The following TEK variants were observed in gnomAD, a reference collection of about 807,000 sequenced individuals.
TEK encodes the protein TEK receptor tyrosine kinase.
In TEK, 43 loss-of-function variants were observed where a neutral mutation model predicts 131.8. That is an observed-to-expected ratio of 0.33 (90% CI 0.26 to 0.42). The LOEUF (loss-of-function observed/expected upper bound fraction) is 0.42, where lower values mean the gene tolerates loss of function less well. Among genes scored for constraint, TEK ranks in the 10% least tolerant of loss-of-function variants. TEK has a pLI of 1.00. For synonymous variants in TEK, 580 were observed against 491.6 expected (o/e 1.18, Z -2.38); for missense variants, 1,162 against 1,384.4 (o/e 0.84, Z 2.55).
At chr9:27,150,869 G>T (rs894390680) in intron 1 of TEK, among the ~76,000 whole-genome samples, 6 of 152,258 alleles carry the variant, frequency 3.9e-5, no homozygotes, top group South Asian at 4.2e-4. Context: ...AAAATTTCCG[G>T]CGTTTGAAGG....
At chr9:27,183,672 C>G (rs1364459373) in intron 8 of TEK, 62 bp downstream of exon 8, 1 of 1,587,990 alleles carries the variant, frequency 6.3e-7, no homozygotes, top group Non-Finnish European at 8.6e-7. Flanking sequence ...AGTAATCACC[C>G]CACTAAATGA....
At chr9:27,116,078 A>G (rs905357419) in intron 1 of TEK, among the ~76,000 whole-genome samples, 3 of 152,152 alleles carry the variant, frequency 2.0e-5, no homozygotes, top group Non-Finnish European at 2.9e-5. Context: ...GACTGTGAGG[A>G]TAACAGGGGG....
intron 6 of TEK, among the ~76,000 whole-genome samples, chr9:27,179,845 G>A (rs991106055): frequency 1.3e-5 from 2 of 152,252 alleles, no homozygotes; most frequent in East Asian, 1.9e-4. Context: ...CTTTGGAGTT[G>A]TAGCTTCCAT....
At position 27,209,111 on chromosome 9, in the gene TEK, T is replaced by G. The variant is rs1825508287; in HGVS notation, c.2576-10T>G. The G allele has an allele frequency of 6.2e-7, 1 of 1,602,936 alleles. No individual in the cohort carries two copies. The highest frequency in any genetic ancestry group is 1.3e-5 in the African/African-American group (1 of 74,798). The stretch of plus-strand genomic sequence containing the variant: ...CAAAGAAGAATCACAACCCTTGACT[T>G]TCTTCCCAGAATATGCCTCCAAAGA... On this transcript the variant is annotated splice_polypyrimidine_tract_variant and intron_variant, in intron 15 of 22. Transcript: ENST00000380036.
At chr9:27,225,272 G>A (rs932135403) in intron 21 of TEK, among the ~76,000 whole-genome samples, 2 of 152,130 alleles carry the variant, frequency 1.3e-5, no homozygotes, top group Non-Finnish European at 2.9e-5. Flanking sequence ...AAAAGAGCCT[G>A]CATAGCCAAG....
intron 14 of TEK, among the ~76,000 whole-genome samples, chr9:27,205,421 G>T (rs372373560): frequency 6.6e-6 from 1 of 152,202 alleles, no homozygotes; most frequent in Admixed American, 6.5e-5. Context: ...AGGACAGAGG[G>T]TAACCAGACC....
intron 4 of TEK, 53 bp downstream of exon 4, chr9:27,169,682 G>A (rs1823876349): frequency 6.2e-7 from 1 of 1,611,382 alleles, no homozygotes; most frequent in Non-Finnish European, 8.5e-7. Flanking sequence ...AGGTTGTTAG[G>A]ATTTTTAGTT....
intron 4 of TEK, among the ~76,000 whole-genome samples, chr9:27,170,363 G>A (rs947292657): frequency 2.0e-5 from 3 of 152,134 alleles, no homozygotes; most frequent in Non-Finnish European, 4.4e-5. Context: ...AAGTGGCTGG[G>A]TACGGTGGCT....
intron 1 of TEK, among the ~76,000 whole-genome samples, chr9:27,124,435 G>T (rs534682560): frequency 1.3e-5 from 2 of 152,350 alleles, no homozygotes; most frequent in East Asian, 3.9e-4. Context: ...TTTTACTCGT[G>T]ATGTTAGAAA....
At chr9:27,119,015 G>T (rs1475883957) in intron 1 of TEK, among the ~76,000 whole-genome samples, 2 of 152,218 alleles carry the variant, frequency 1.3e-5, no homozygotes, top group African/African-American at 4.8e-5. Flanking sequence ...TGAGACGTGG[G>T]TCCAAGGATT....
intron 2 of TEK, 83 bp downstream of exon 2, chr9:27,158,225 G>A: frequency 2.0e-6 from 3 of 1,484,658 alleles, no homozygotes; most frequent in Non-Finnish European, 2.8e-6. Flanking sequence ...TCCCTCAGGG[G>A]CAGGGCATGC....
chr9:27,148,357 C>T (rs1823001239), intron 1 of TEK, among the ~76,000 whole-genome samples: 1 of 152,216 alleles, frequency 6.6e-6, no homozygotes, highest in East Asian at 1.9e-4. Context: ...GTGAGTATAT[C>T]AGCTTTTGAT....
At position 27,126,921 on chromosome 9, in the gene TEK, A is replaced by G. The variant is rs138782924; in HGVS notation, c.52+17279A>G. 3.1e-3 allele frequency among the ~76,000 whole-genome samples: 479 copies of G among 152,320 alleles called. 6 individuals are homozygous for G. In the Middle Eastern group the frequency reaches 0.041, roughly 13 times the overall value. On this transcript the variant is annotated intron_variant, in intron 1 of 22. Transcript: ENST00000380036. ...TACAAGCAAGAGCCAACACTTAGAG[A>G]TGCCAAAACAACATAAAACAGATGC... is the stretch of plus-strand genomic sequence containing the variant.
At chr9:27,162,972 C>T (rs1393298358) in intron 2 of TEK, among the ~76,000 whole-genome samples, 1 of 152,230 alleles carries the variant, frequency 6.6e-6, no homozygotes, top group Non-Finnish European at 1.5e-5. Context: ...CCTCAGCCTC[C>T]TAAAGTGCTG....
intron 1 of TEK, among the ~76,000 whole-genome samples, chr9:27,135,049 G>A (rs1233957309): frequency 2.0e-5 from 3 of 152,080 alleles, no homozygotes; most frequent in Non-Finnish European, 4.4e-5. Flanking sequence ...ACATGGAGAA[G>A]TCCTGTCTCT....
At chr9:27,139,322 AT>A (rs1158698852) in intron 1 of TEK, among the ~76,000 whole-genome samples, 514 of 86,896 alleles carry the variant, frequency 5.9e-3, no homozygotes, top group African/African-American at 0.013. Context: ...AGCTTTAACA[AT>A]TTTTTTTTTT....
intron 12 of TEK, among the ~76,000 whole-genome samples, chr9:27,201,832 A>G (rs692946): frequency 0.48 from 73,123 of 151,864 alleles, 18,168 homozygotes; most frequent in Non-Finnish European, 0.52. Flanking sequence ...CTACTGGGAC[A>G]AGTACAAACC....
chr9:27,186,479 GA>G lies in TEK; in HGVS notation c.1327+857del, dbSNP rs200915172. Among the ~76,000 whole-genome samples the G allele has an allele frequency of 5.6e-3, 855 of 152,112 alleles. 6 individuals carry two copies. The highest frequency in any genetic ancestry group is 0.019 in the African/African-American group (781 of 41,512). On this transcript the variant is annotated intron_variant, in intron 9 of 22. Coordinates refer to ENST00000380036, the MANE Select transcript of TEK (RefSeq NM_000459.5). ...TGTATTGTTTAGAGAATAATGAGAAGAAAAAAAGTCTGTACATGTTCAGACA... is the reference window on the plus strand; with the variant it reads ...TGTATTGTTTAGAGAATAATGAGAAGAAAAAAGTCTGTACATGTTCAGACA...
chr9:27,129,245 T>A (rs1219256401), intron 1 of TEK, among the ~76,000 whole-genome samples: 1 of 152,200 alleles, frequency 6.6e-6, no homozygotes, highest in Non-Finnish European at 1.5e-5. Flanking sequence ...GTGGTTTTTG[T>A]CATTCTGTTT....
Sources: gnomAD v4.1 joint callset for allele counts (sites outside exome capture counted in the v4.1 genomes callset) on GRCh38, gnomAD v4.1.1 for gene constraint, MANE v1.5 for transcripts, NCBI Gene and HGNC (gene_info 2026-07-23, HGNC 2026-07-21) for gene names.